PHLPP1: variants seen among roughly 807,000 people sequenced by gnomAD.
PHLPP1 encodes PH domain leucine-rich repeat-containing protein phosphatase 1.
In PHLPP1, 42 loss-of-function variants were observed where a neutral mutation model predicts 117.2. The observed-to-expected ratio is 0.36, with a 90% CI of 0.28 to 0.46. The LOEUF is 0.46. PHLPP1 is among the 20% of genes least tolerant of loss of function. PHLPP1 has a pLI of 1.00. For missense variants in PHLPP1, 2,084 were observed against 2,241.9 expected (o/e 0.93, Z 1.42); for synonymous variants, 1,042 against 970.7 (o/e 1.07, Z -1.37).
chr18:62,856,198 C>A (rs1272203432), intron 3 of PHLPP1, among the ~76,000 whole-genome samples: 1 of 152,012 alleles, frequency 6.6e-6, no homozygotes, highest in Non-Finnish European at 1.5e-5. Flanking sequence ...GGAGCTAATC[C>A]CCAGTGGATA....
chr18:62,876,356 A>C (rs528189852), intron 4 of PHLPP1, among the ~76,000 whole-genome samples: 1 of 152,146 alleles, frequency 6.6e-6, no homozygotes, highest in African/African-American at 2.4e-5. Flanking sequence ...AGCGACTCCT[A>C]CCCCACCCTT....
intron 1 of PHLPP1, among the ~76,000 whole-genome samples, chr18:62,765,251 A>C (rs1912429705): frequency 6.6e-6 from 1 of 152,214 alleles, no homozygotes; most frequent in Admixed American, 6.5e-5. Flanking sequence ...CGATGCTACG[A>C]TCCCATTTTG....
chr18:62,904,354 C>T (rs1247824864), intron 7 of PHLPP1, among the ~76,000 whole-genome samples: 2 of 152,262 alleles, frequency 1.3e-5, no homozygotes, highest in East Asian at 3.9e-4. Context: ...AGTAGAGACT[C>T]TAAAGTGGAG....
At chr18:62,791,164 A>C (rs912001034) in intron 1 of PHLPP1, among the ~76,000 whole-genome samples, 1 of 152,110 alleles carries the variant, frequency 6.6e-6, no homozygotes, top group Non-Finnish European at 1.5e-5. Context: ...TTAGTGGTTG[A>C]TTTGTAGTTT....
At chr18:62,837,807 C>T (rs1379069775) in intron 2 of PHLPP1, 1 of 151,670 alleles carries the variant, frequency 6.6e-6, no homozygotes, top group Non-Finnish European at 1.5e-5. Context: ...ACTACAGGCA[C>T]CCACCACCGC....
rs1912302919 is a variant in PHLPP1, at chr18:62,762,889, A to T, written c.1576+45630A>T. Among the ~76,000 whole-genome samples the T allele has an allele frequency of 2.0e-5, 3 of 152,330 alleles. 1 individual carries two copies. The highest frequency in any genetic ancestry group is 2.0e-4 in the Admixed American group (3 of 15,304). Reference sequence around the variant, plus strand: ...GTATATAATTCATTTTAAAATATTGATTATTTTTTAATTTTACCATAATGG... The same window carrying T: ...GTATATAATTCATTTTAAAATATTGTTTATTTTTTAATTTTACCATAATGG... On this transcript the variant is annotated intron_variant, in intron 1 of 16. Coordinates refer to ENST00000262719, the MANE Select transcript of PHLPP1 (RefSeq NM_194449.4).
At chr18:62,766,076 A>AAAAAATATATATATATATATATATAT in intron 1 of PHLPP1, among the ~76,000 whole-genome samples, 3 of 21,652 alleles carry the variant, frequency 1.4e-4, no homozygotes, top group Non-Finnish European at 2.5e-4. Flanking sequence ...AAAAAAAAAA[A>AAAAAATATATATATATATATATATAT]ATATATATAT....
intron 3 of PHLPP1, among the ~76,000 whole-genome samples, chr18:62,840,890 A>T (rs1299941484): frequency 6.6e-6 from 1 of 152,042 alleles, no homozygotes; most frequent in African/African-American, 2.4e-5. Context: ...TGTGGAATTT[A>T]TTTTTTTGTT....
chr18:62,793,820 T>C (rs947483482), intron 1 of PHLPP1, among the ~76,000 whole-genome samples: 1 of 152,200 alleles, frequency 6.6e-6, no homozygotes, highest in African/African-American at 2.4e-5. Context: ...AATTCCCTGC[T>C]CTACCTCCTG....
rs1911340406 is a variant in PHLPP1, at chr18:62,980,397, A to T, written c.*966A>T. On this transcript the variant is annotated 3_prime_UTR_variant, in exon 17 of 17. Coordinates refer to ENST00000262719, the MANE Select transcript of PHLPP1 (RefSeq NM_194449.4). ...AGCAGAATGCACAAATGGACATGTC[A>T]TAATTTTTGTTACAATAAATATGAA... is the stretch of plus-strand genomic sequence containing the variant. The T allele has an allele frequency of 6.6e-6, 1 of 152,646 alleles. No individual in the cohort carries two copies. The highest frequency in any genetic ancestry group is 6.5e-5 in the Admixed American group (1 of 15,272). 9.5% of individuals were successfully genotyped at this position (152,646 alleles called of 1,614,324 possible).
At chr18:62,740,624 G>T (rs965867283) in intron 1 of PHLPP1, among the ~76,000 whole-genome samples, 2 of 152,190 alleles carry the variant, frequency 1.3e-5, no homozygotes, top group Admixed American at 6.5e-5. Context: ...TAGATGCCAA[G>T]ATTTTAAATT....
At chr18:62,753,238 T>C (rs1342818503) in intron 1 of PHLPP1, among the ~76,000 whole-genome samples, 2 of 152,322 alleles carry the variant, frequency 1.3e-5, no homozygotes, top group African/African-American at 4.8e-5. Flanking sequence ...AGTTCTCTTT[T>C]TTAATATGGG....
intron 1 of PHLPP1, among the ~76,000 whole-genome samples, chr18:62,801,753 CTGTT>C (rs991796004): frequency 9.2e-5 from 14 of 152,236 alleles, no homozygotes; most frequent in Admixed American, 5.2e-4. Flanking sequence ...TGCCTGGCCT[CTGTT>C]TGTTTTTATG....
chr18:62,888,287 ATGTGTGTGTGTGTGTGTGTGTGTGTGTG>A (rs200659921), intron 4 of PHLPP1, among the ~76,000 whole-genome samples: 25 of 130,898 alleles, frequency 1.9e-4, no homozygotes, highest in Non-Finnish European at 3.9e-4. Flanking sequence ...ATTTCACAAA[ATGTGTGTGTGTGTGTGTGTGTGTGTGTG>A]TGTGTGTGTG....
intron 4 of PHLPP1, among the ~76,000 whole-genome samples, chr18:62,866,127 T>C (rs1283511672): frequency 6.6e-6 from 1 of 152,194 alleles, no homozygotes; most frequent in East Asian, 1.9e-4. Flanking sequence ...ATGGTTACCT[T>C]TTAGGGAGAC....
At chr18:62,804,941 A>G (rs951750941) in intron 1 of PHLPP1, among the ~76,000 whole-genome samples, 5 of 149,120 alleles carry the variant, frequency 3.4e-5, no homozygotes, top group Non-Finnish European at 5.9e-5. Flanking sequence ...ATACATATAC[A>G]GTATAATATA....
At chr18:62,811,002 A>G (rs182173587) in intron 1 of PHLPP1, among the ~76,000 whole-genome samples, 278 of 152,334 alleles carry the variant, frequency 1.8e-3, no homozygotes, top group African/African-American at 6.5e-3. Flanking sequence ...TGGTCCTTAT[A>G]AGAAACAAAG....
rs1409863122 is a variant in PHLPP1 at position 62,853,230 on chromosome 18, C to T, written c.1900-7205C>T. On this transcript the variant is annotated intron_variant, in intron 3 of 16. Coordinates refer to ENST00000262719, the MANE Select transcript of PHLPP1 (RefSeq NM_194449.4). ...ACAAGTCATTTGGGAAAAAAAGAGA[C>T]CACCTGAGCAGGTAGTTGGAAATTA... 2.0e-5 allele frequency among the ~76,000 whole-genome samples: 3 copies of T among 152,132 alleles called. No homozygotes were observed. In the East Asian group the frequency reaches 5.8e-4, roughly 29 times the overall value.
intron 1 of PHLPP1, among the ~76,000 whole-genome samples, chr18:62,766,076 A>AAAAAAAAAAATATATAT: frequency 9.2e-5 from 2 of 21,660 alleles, no homozygotes; most frequent in Non-Finnish European, 8.5e-5. Flanking sequence ...AAAAAAAAAA[A>AAAAAAAAAAATATATAT]ATATATATAT....
Sources: allele counts gnomAD v4.1 joint callset (sites outside exome capture counted in the v4.1 genomes callset), GRCh38; gene constraint gnomAD v4.1.1; transcripts MANE v1.5; gene names NCBI Gene and HGNC (gene_info 2026-07-23, HGNC 2026-07-21).